DMXL2: variants seen among roughly 807,000 people sequenced by gnomAD.
The protein encoded by DMXL2 is Dmx like 2.
DMXL2 carries 103 observed loss-of-function variants against 331.1 expected under a neutral mutation model. That is an observed-to-expected ratio of 0.31 (90% CI 0.27 to 0.37). The LOEUF (loss-of-function observed/expected upper bound fraction) is 0.37. Among genes scored for constraint, DMXL2 ranks in the 10% least tolerant of loss-of-function variants. DMXL2 has a pLI of 1.00. For missense variants in DMXL2, 3,171 were observed against 3,642.9 expected, an observed-to-expected ratio of 0.87 and a Z score of 3.33; for synonymous variants, 1,281 against 1,252.1, an observed-to-expected ratio of 1.02 and a Z score of -0.49.
In DMXL2 at chr15:51,622,607, C is replaced by T; in HGVS notation, c.-62G>A. On this transcript the variant is annotated 5_prime_UTR_variant, in exon 1 of 44. Transcript: ENST00000560891. ...GCGACAAGCTCCGCGCCTGACCCTC[C>T]TCGGGCTGCGAGAGCCGTTTCCCTC... 6.6e-7 allele frequency: 1 copy of T among 1,505,644 alleles called. No homozygotes were observed. Among genetic ancestry groups the T allele is most frequent in the Non-Finnish European group, 8.9e-7 (1 of 1,122,076 alleles). The allele number at this position is 1,505,644 out of a possible 1,614,324, so 93.3% of individuals were successfully genotyped here.
intron 11 of DMXL2, 58 bp from the exon 12 acceptor site, chr15:51,536,920 A>T (rs2048320531): frequency 1.4e-6 from 2 of 1,382,128 alleles, no homozygotes; most frequent in Admixed American, 4.7e-5. Flanking sequence ...CAAAAAAAAG[A>T]CTTCTATTCT....
At chr15:51,543,457 G>T (rs996548478) in intron 8 of DMXL2, among the ~76,000 whole-genome samples, 1 of 152,138 alleles carries the variant, frequency 6.6e-6, no homozygotes, top group Non-Finnish European at 1.5e-5. Context: ...CCACTACGGG[G>T]TTGCTCATTG....
chr15:51,453,753 T>C (rs559235172), intron 40 of DMXL2, 112 bp from the exon 41 acceptor site: 52 of 823,700 alleles, frequency 6.3e-5, no homozygotes, highest in Non-Finnish European at 9.4e-5. Flanking sequence ...AAAAATAGTT[T>C]TTAAAAACTC....
At chr15:51,495,511 T>A (rs926771604) in intron 18 of DMXL2, among the ~76,000 whole-genome samples, 8 of 152,198 alleles carry the variant, frequency 5.3e-5, no homozygotes, top group African/African-American at 1.9e-4. Flanking sequence ...TAATGGAAAT[T>A]ACATAACTGA....
chr15:51,493,423 A>C (rs1348489140), intron 19 of DMXL2, among the ~76,000 whole-genome samples: 2 of 152,222 alleles, frequency 1.3e-5, no homozygotes, highest in African/African-American at 4.8e-5. Context: ...AGAGCAGTGA[A>C]TGTATTTGAA....
At chr15:51,488,487 T>C (rs1018884761) in intron 21 of DMXL2, 61 bp downstream of exon 21, 7 of 1,403,072 alleles carry the variant, frequency 5.0e-6, no homozygotes, top group Non-Finnish European at 6.0e-6. Context: ...AAGCATTAGG[T>C]TTCTTACTCA....
chr15:51,580,556 G>C (rs2141164202), intron 1 of DMXL2, among the ~76,000 whole-genome samples: 1 of 152,280 alleles, frequency 6.6e-6, no homozygotes, highest in East Asian at 1.9e-4. Flanking sequence ...CGAGTGTACT[G>C]CTCTTCTAAC....
rs555941763 is a variant in DMXL2, at chr15:51,509,814, A to C, written c.2645-2561T>G. On this transcript the variant is annotated intron_variant, in intron 15 of 43. Transcript: ENST00000560891. The stretch of plus-strand genomic sequence containing the variant: ...TCAATGCGAAAAACCTCAATAAAAT[A>C]CTGGCAAACCGAATCCAGCAGCACA... 2.6e-5 allele frequency among the ~76,000 whole-genome samples: 4 copies of C among 152,350 alleles called. No homozygotes were observed. In the East Asian group the frequency reaches 7.7e-4, roughly 29 times the overall value.
At chr15:51,597,501 CT>C (rs950463853) in intron 1 of DMXL2, among the ~76,000 whole-genome samples, 1 of 152,168 alleles carries the variant, frequency 6.6e-6, no homozygotes, top group African/African-American at 2.4e-5. Flanking sequence ...CTGTGATTCA[CT>C]CACTTTCATT....
At chr15:51,532,370 C>A (rs1038632115) in intron 13 of DMXL2, among the ~76,000 whole-genome samples, 3 of 151,902 alleles carry the variant, frequency 2.0e-5, no homozygotes, top group African/African-American at 7.3e-5. Flanking sequence ...AGGGTGATTA[C>A]CAGAGGCTAG....
chr15:51,522,990 A>G (rs1425000411), intron 13 of DMXL2, among the ~76,000 whole-genome samples: 1 of 152,190 alleles, frequency 6.6e-6, no homozygotes, highest in Admixed American at 6.5e-5. Context: ...TAATCACTTT[A>G]TTTCCCTTCC....
chr15:51,544,875 GAAT>G (rs2048805931), intron 8 of DMXL2, among the ~76,000 whole-genome samples: 1 of 151,754 alleles, frequency 6.6e-6, no homozygotes. Context: ...TACAGTATTT[GAAT>G]AATAAAAAAC....
At chr15:51,571,812 T>C (rs1372523055) in intron 2 of DMXL2, among the ~76,000 whole-genome samples, 3 of 152,128 alleles carry the variant, frequency 2.0e-5, no homozygotes, top group African/African-American at 7.2e-5. Flanking sequence ...TTTATAGCAC[T>C]AAATGCCCAC....
chr15:51,565,480 C>T lies in DMXL2; in HGVS notation c.286-314G>A, dbSNP rs543097760. On this transcript the variant is annotated intron_variant, in intron 3 of 43. Transcript: ENST00000560891. ...TCCTCACGTCTCCATCTGCAAACCC[C>T]TATCCTTCCACTAAGATTAGCTAAC... Among the ~76,000 whole-genome samples the T allele has an allele frequency of 2.1e-3, 318 of 152,268 alleles. 3 individuals are homozygous for T. Among genetic ancestry groups the T allele is most frequent in the Non-Finnish European group, 2.0e-3 (137 of 68,012 alleles).
At chr15:51,593,656 T>C (rs1275932225) in intron 1 of DMXL2, among the ~76,000 whole-genome samples, 6 of 152,248 alleles carry the variant, frequency 3.9e-5, no homozygotes, top group African/African-American at 1.4e-4. Flanking sequence ...ATTGACCACA[T>C]AGTTGGAAGT....
chr15:51,481,232 T>A lies in DMXL2; in HGVS notation c.5874A>T (p.Ser1958=). Residue 1958 remains serine (S), a synonymous_variant, in exon 24 of 44, where the codon TCA becomes TCT. Coordinates refer to ENST00000560891, the MANE Select transcript of DMXL2 (RefSeq NM_001378457.1). ...SGIEWSNVTS[S]QYDWSQPIVK... ...CTATTGGCTGACTCCAGTCATACTGTGATGAAGTTACATTTGACCATTCAA... is the reference window on the plus strand; with the variant it reads ...CTATTGGCTGACTCCAGTCATACTGAGATGAAGTTACATTTGACCATTCAA... 14 of 1,613,992 alleles carry A rather than the reference T, an allele frequency of 8.7e-6. No individual in the cohort carries two copies. Among genetic ancestry groups the A allele is most frequent in the Non-Finnish European group, 1.1e-5 (13 of 1,179,924 alleles).
At chr15:51,616,361 A>G (rs1382316936) in intron 1 of DMXL2, among the ~76,000 whole-genome samples, 1 of 152,202 alleles carries the variant, frequency 6.6e-6, no homozygotes, top group Non-Finnish European at 1.5e-5. Flanking sequence ...CGAAAAAAAA[A>G]GAAATTTAAG....
In DMXL2 at chr15:51,590,498, T is replaced by C. The variant is rs565806442; in HGVS notation, c.88-14317A>G. ...GACTCTTGGAAGATTTGTCTACTAT[T>C]CTCTTTTCTATATCCTTACAATAAA... is the stretch of plus-strand genomic sequence containing the variant. On this transcript the variant is annotated intron_variant, in intron 1 of 43. Coordinates refer to ENST00000560891, the MANE Select transcript of DMXL2 (RefSeq NM_001378457.1). Among the ~76,000 whole-genome samples the C allele has an allele frequency of 1.1e-4, 16 of 152,294 alleles. No homozygotes were observed. In the East Asian group the frequency reaches 3.1e-3, roughly 29 times the overall value.
chr15:51,585,305 C>T (rs1445168745), intron 1 of DMXL2, among the ~76,000 whole-genome samples: 1 of 143,456 alleles, frequency 7.0e-6, no homozygotes, highest in Non-Finnish European at 1.5e-5. Flanking sequence ...TACGTCCCAT[C>T]AATACCTAAT....
Sources: gnomAD v4.1 joint callset for allele counts (sites outside exome capture counted in the v4.1 genomes callset) on GRCh38, gnomAD v4.1.1 for gene constraint, MANE v1.5 for transcripts, NCBI Gene and HGNC (gene_info 2026-07-23, HGNC 2026-07-21) for gene names.